The following PTPRG variants were observed in gnomAD, a reference collection of about 807,000 sequenced individuals.
PTPRG encodes protein tyrosine phosphatase receptor type G, also known as receptor-type tyrosine-protein phosphatase gamma.
A neutral mutation model predicts 165.3 loss-of-function variants in PTPRG; 102 were observed. The ratio of observed to expected loss-of-function variants is 0.62; its 90% CI spans 0.53 to 0.73. PTPRG has a LOEUF of 0.73. PTPRG is among the 30% of genes least tolerant of loss of function. The probability of loss-of-function intolerance (pLI) is 0.00; values close to 1 mark genes in which losing one functional copy is unlikely to be tolerated. For synonymous variants in PTPRG, 675 were observed against 669.5 expected (o/e 1.01, Z -0.13); for missense variants, 1,866 against 1,861.4 (o/e 1.00, Z -0.05).
chr3:62,267,159 TG>T (rs1649033999), intron 17 of PTPRG, among the ~76,000 whole-genome samples: 2 of 152,080 alleles, frequency 1.3e-5, no homozygotes, highest in African/African-American at 4.8e-5. Context: ...CCTTTGAACT[TG>T]GCTTTAAAAT....
chr3:62,102,177 G>A (rs1702310928), intron 5 of PTPRG, among the ~76,000 whole-genome samples: 1 of 152,074 alleles, frequency 6.6e-6, no homozygotes, highest in Non-Finnish European at 1.5e-5. Context: ...TGCATCCTTA[G>A]TGCCTGGTCT....
intron 19 of PTPRG, among the ~76,000 whole-genome samples, chr3:62,268,682 A>C (rs1238042150): frequency 6.6e-6 from 1 of 152,126 alleles, no homozygotes; most frequent in Non-Finnish European, 1.5e-5. Context: ...AATGATACTT[A>C]AGCTCCCTTT....
chr3:61,597,337 A>C (rs2106837083), intron 1 of PTPRG, among the ~76,000 whole-genome samples: 1 of 152,206 alleles, frequency 6.6e-6, no homozygotes, highest in East Asian at 1.9e-4. Flanking sequence ...TGGATACCAA[A>C]ATTTGCAGAT....
At chr3:62,136,128 A>T (rs181815425) in intron 6 of PTPRG, among the ~76,000 whole-genome samples, 2 of 151,700 alleles carry the variant, frequency 1.3e-5, no homozygotes, top group Admixed American at 1.3e-4. Context: ...TCCTAATCAC[A>T]CTCCCGTAGT....
At chr3:62,139,855 A>G (rs1368585310) in intron 6 of PTPRG, among the ~76,000 whole-genome samples, 3 of 152,182 alleles carry the variant, frequency 2.0e-5, no homozygotes, top group Non-Finnish European at 4.4e-5. Context: ...AGCTAGAGTC[A>G]CTCCAGGCCT....
At chr3:62,019,459 G>A (rs1011065412) in intron 4 of PTPRG, among the ~76,000 whole-genome samples, 5 of 149,754 alleles carry the variant, frequency 3.3e-5, no homozygotes. Context: ...GGGGGTGGAG[G>A]TTGCAGTGAG....
chr3:61,907,170 T>C (rs969483924), intron 2 of PTPRG, among the ~76,000 whole-genome samples: 2 of 151,962 alleles, frequency 1.3e-5, no homozygotes, highest in African/African-American at 2.4e-5. Flanking sequence ...AATGGTGTCA[T>C]AGTAAATATT....
intron 5 of PTPRG, among the ~76,000 whole-genome samples, chr3:62,093,419 C>T (rs1018735423): frequency 2.0e-5 from 3 of 152,188 alleles, no homozygotes; most frequent in Admixed American, 6.5e-5. Context: ...AGTGATCAGA[C>T]GTGCCATTGT....
intron 2 of PTPRG, 31 bp downstream of exon 2, chr3:61,749,013 C>A (rs1460214862): frequency 1.3e-6 from 2 of 1,548,610 alleles, no homozygotes; most frequent in Admixed American, 1.7e-5. Context: ...GGAGATCACA[C>A]AGGCCAGTTA....
chr3:62,143,311 A>G (rs1703997747), intron 6 of PTPRG, among the ~76,000 whole-genome samples: 1 of 152,208 alleles, frequency 6.6e-6, no homozygotes, highest in Non-Finnish European at 1.5e-5. Context: ...GACAAATTCT[A>G]GAACAAGCGA....
intron 28 of PTPRG, among the ~76,000 whole-genome samples, chr3:62,286,586 A>G (rs1014814754): frequency 6.6e-6 from 1 of 152,048 alleles, no homozygotes; most frequent in Admixed American, 6.5e-5. Flanking sequence ...ACTGTACTTC[A>G]GGAGCTTAAA....
intron 2 of PTPRG, among the ~76,000 whole-genome samples, chr3:61,954,322 G>A (rs1054364179): frequency 1.3e-5 from 2 of 152,194 alleles, no homozygotes; most frequent in African/African-American, 4.8e-5. Flanking sequence ...TAGTGGTGGT[G>A]TGCTGGGAAA....
chr3:61,838,746 C>G (rs954212630), intron 2 of PTPRG, among the ~76,000 whole-genome samples: 1 of 152,108 alleles, frequency 6.6e-6, no homozygotes, highest in Non-Finnish European at 1.5e-5. Flanking sequence ...GTATTCTTAC[C>G]ACTCTCCCTG....
At chr3:62,120,116 G>A (rs950575252) in intron 5 of PTPRG, among the ~76,000 whole-genome samples, 1 of 151,826 alleles carries the variant, frequency 6.6e-6, no homozygotes, top group Non-Finnish European at 1.5e-5. Context: ...TTTTTAAGCT[G>A]GTTAAAGATG....
At chr3:61,651,730 C>G (rs921442027) in intron 1 of PTPRG, among the ~76,000 whole-genome samples, 29 of 152,186 alleles carry the variant, frequency 1.9e-4, no homozygotes, top group African/African-American at 7.0e-4. Flanking sequence ...AATCAAATAG[C>G]CAGGTGTGGT....
intron 1 of PTPRG, among the ~76,000 whole-genome samples, chr3:61,728,408 C>T (rs1341863974): frequency 6.6e-6 from 1 of 152,030 alleles, no homozygotes; most frequent in Non-Finnish European, 1.5e-5. Context: ...ATAGCAAGAC[C>T]CCTTCGCTAC....
intron 28 of PTPRG, among the ~76,000 whole-genome samples, chr3:62,284,975 CAA>C (rs528987401): frequency 6.6e-6 from 1 of 152,110 alleles, no homozygotes; most frequent in Non-Finnish European, 1.5e-5. Context: ...ATACACAGTT[CAA>C]AAGTCACTCT....
intron 2 of PTPRG, among the ~76,000 whole-genome samples, chr3:61,943,124 G>A (rs1186051260): frequency 6.6e-6 from 1 of 152,092 alleles, no homozygotes; most frequent in Non-Finnish European, 1.5e-5. Context: ...CTGATGTTCA[G>A]GTACCAAACA....
chr3:61,781,843 T>A (rs937397541), intron 2 of PTPRG, among the ~76,000 whole-genome samples: 1 of 150,974 alleles, frequency 6.6e-6, no homozygotes, highest in Admixed American at 6.6e-5. Context: ...TCCTCCTGCC[T>A]CAGCCTCCCA....
Sources: gnomAD v4.1 joint callset for allele counts (sites outside exome capture counted in the v4.1 genomes callset) on GRCh38, gnomAD v4.1.1 for gene constraint, MANE v1.5 for transcripts, NCBI Gene and HGNC (gene_info 2026-07-23, HGNC 2026-07-21) for gene names.